FAM227A: variants seen among roughly 807,000 people sequenced by gnomAD.
FAM227A encodes family with sequence similarity 227 member A.
In FAM227A, 80 loss-of-function variants were observed where a neutral mutation model predicts 74.7. The ratio of observed to expected loss-of-function variants is 1.07; its 90% CI spans 0.89 to 1.29. The LOEUF (loss-of-function observed/expected upper bound fraction) is 1.29, where lower values mean the gene tolerates loss of function less well. Ranked by LOEUF, FAM227A falls within the 50% of genes most tolerant of loss-of-function variation. The probability of loss-of-function intolerance (pLI) is 0.00; values close to 1 mark genes in which losing one functional copy is unlikely to be tolerated. For synonymous variants in FAM227A, 237 were observed against 241.8 expected, an observed-to-expected ratio of 0.98 and a Z score of 0.19; for missense variants, 654 against 683.4, an observed-to-expected ratio of 0.96 and a Z score of 0.48.
Position 38,579,272 on chromosome 22 carries a change from GAAT to G in FAM227A, c.*6850_*6852del, listed in dbSNP as rs963667307. 2 of 152,260 alleles carry G rather than the reference GAAT, an allele frequency of 1.3e-5. No individual in the cohort carries two copies. The highest frequency in any genetic ancestry group is 6.5e-5 in the Admixed American group (1 of 15,288). 9.4% of individuals were successfully genotyped at this position (152,260 alleles called of 1,614,324 possible). On this transcript the variant is annotated 3_prime_UTR_variant, in exon 17 of 17. Transcript: ENST00000535113. ...CTGAGTTTCGGTATCTGAAAACCAA[GAAT>G]AATATCGGCGCTGAGTTGTGAGAAT... is the stretch of plus-strand genomic sequence containing the variant.
intron 10 of FAM227A, 66 bp downstream of exon 10, chr22:38,623,106 C>T: frequency 8.8e-7 from 1 of 1,138,766 alleles, no homozygotes; most frequent in Non-Finnish European, 1.3e-6. Context: ...CCTCTCCTCC[C>T]TCAGTTAGAT....
chr22:38,637,167 A>C (rs1354243967), intron 5 of FAM227A, among the ~76,000 whole-genome samples: 1 of 152,196 alleles, frequency 6.6e-6, no homozygotes, highest in African/African-American at 2.4e-5. Flanking sequence ...TCGTTCTAAG[A>C]AGTAAAATAT....
rs542071282 is a variant in FAM227A at position 38,584,825 on chromosome 22, T to C, written c.*1300A>G. The stretch of plus-strand genomic sequence containing the variant: ...AAAAATTTTTTTTTGAGACAGAGTT[T>C]CGCTCTTGTTGCCCAGGCTGGAGTG... On this transcript the variant is annotated 3_prime_UTR_variant, in exon 17 of 17. Coordinates refer to ENST00000535113, the MANE Select transcript of FAM227A (RefSeq NM_001013647.2). 2 of 152,266 alleles carry C rather than the reference T, an allele frequency of 1.3e-5. No individual in the cohort carries two copies. Among genetic ancestry groups the C allele is most frequent in the African/African-American group, 4.8e-5 (2 of 41,538 alleles). 9.4% of individuals were successfully genotyped at this position (152,266 alleles called of 1,614,324 possible). A position where few individuals can be genotyped will look rare whatever the true frequency, so the allele number is the denominator to read the frequency against.
chr22:38,599,121 G>T lies in FAM227A; in HGVS notation c.1379+643C>A, dbSNP rs5750637. On this transcript the variant is annotated intron_variant, in intron 14 of 16. Transcript: ENST00000535113. The stretch of plus-strand genomic sequence containing the variant: ...ATACAGGCACGCACCACCAGGCCCA[G>T]CTAATTTTTTTTGTATTTTTAGTAG... 7.7e-4 allele frequency among the ~76,000 whole-genome samples: 117 copies of T among 152,054 alleles called. 2 individuals carry two copies. The East Asian group carries it at 0.018, about 23-fold the overall frequency.
chr22:38,602,812 T>C (rs1897348828), intron 13 of FAM227A, among the ~76,000 whole-genome samples: 1 of 152,092 alleles, frequency 6.6e-6, no homozygotes, highest in African/African-American at 2.4e-5. Context: ...CTGACTCTGG[T>C]GTGTTTTTGA....
At chr22:38,643,499 A>C (rs754561160) in intron 3 of FAM227A, among the ~76,000 whole-genome samples, 11 of 152,190 alleles carry the variant, frequency 7.2e-5, no homozygotes, top group South Asian at 2.1e-4. Flanking sequence ...AACACTGACA[A>C]CACCAAATAC....
At position 38,620,529 on chromosome 22, in the gene FAM227A, C is replaced by A. The variant is rs1050079254; in HGVS notation, c.959-238G>T. ...GGAAATAATGTATGCACAGGGCCGG[C>A]GCGGTGGCTCACGCCTGTAATCCCA... is the stretch of plus-strand genomic sequence containing the variant. On this transcript the variant is annotated intron_variant, in intron 10 of 16. Coordinates refer to ENST00000535113, the MANE Select transcript of FAM227A (RefSeq NM_001013647.2). Among the ~76,000 whole-genome samples, 14 of 152,196 alleles carry A rather than the reference C, an allele frequency of 9.2e-5. No individual in the cohort carries two copies. The South Asian group carries it at 2.7e-3, about 29-fold the overall frequency.
chr22:38,594,756 G>C (rs1277156175), intron 15 of FAM227A, among the ~76,000 whole-genome samples: 2 of 151,838 alleles, frequency 1.3e-5, no homozygotes, highest in African/African-American at 2.4e-5. Context: ...AGGTCAAGAG[G>C]TCAAGACCAT....
chr22:38,626,147 C>T (rs1021503380), intron 9 of FAM227A, 33 bp downstream of exon 9: 141 of 1,546,606 alleles, frequency 9.1e-5, no homozygotes, highest in Non-Finnish European at 1.1e-4. Flanking sequence ...TTTCTAGAAT[C>T]GCTTTCCCCG....
In FAM227A at chr22:38,625,803, G is replaced by T. The variant is rs564863476; in HGVS notation, c.850+377C>A. 3.4e-5 allele frequency among the ~76,000 whole-genome samples: 5 copies of T among 146,210 alleles called. No homozygotes were observed. The South Asian group carries it at 1.1e-3, about 32-fold the overall frequency. On this transcript the variant is annotated intron_variant, in intron 9 of 16. Transcript: ENST00000535113. ...TACTACAAATACAAAAATTAGCCGG[G>T]CATGGTGGTACATGCCTGTAATCCC...
intron 15 of FAM227A, among the ~76,000 whole-genome samples, chr22:38,593,732 C>A (rs1243810645): frequency 6.6e-6 from 1 of 152,088 alleles, no homozygotes; most frequent in African/African-American, 2.4e-5. Context: ...ACTCTGTCAC[C>A]CAGACTGGAG....
chr22:38,603,209 T>C (rs1418361693), intron 13 of FAM227A, among the ~76,000 whole-genome samples: 1 of 152,136 alleles, frequency 6.6e-6, no homozygotes, highest in Non-Finnish European at 1.5e-5. Context: ...TGCATTACTG[T>C]GGGCTGGGAG....
intron 6 of FAM227A, among the ~76,000 whole-genome samples, chr22:38,633,287 G>A (rs1333712943): frequency 6.6e-6 from 1 of 151,926 alleles, no homozygotes; most frequent in Non-Finnish European, 1.5e-5. Context: ...ACCATTCCGG[G>A]AGTTGCACAG....
At chr22:38,639,928 C>T (rs1813825930) in intron 3 of FAM227A, among the ~76,000 whole-genome samples, 1 of 152,164 alleles carries the variant, frequency 6.6e-6, no homozygotes, top group East Asian at 1.9e-4. Context: ...CACTGTCTCA[C>T]ACTGCCCCTT....
At chr22:38,613,109 A>T (rs2091459843) in intron 11 of FAM227A, among the ~76,000 whole-genome samples, 1 of 93,144 alleles carries the variant, frequency 1.1e-5, no homozygotes, top group Non-Finnish European at 1.9e-5. Flanking sequence ...ATATAATTAT[A>T]TATATATTAT....
At chr22:38,629,548 C>T (rs539633974) in intron 6 of FAM227A, among the ~76,000 whole-genome samples, 26 of 152,370 alleles carry the variant, frequency 1.7e-4, no homozygotes, top group African/African-American at 5.5e-4. Context: ...GTACAGTTAT[C>T]CTACTGTATA....
intron 11 of FAM227A, among the ~76,000 whole-genome samples, chr22:38,608,200 C>T (rs2091332244): frequency 6.7e-6 from 1 of 150,298 alleles, no homozygotes; most frequent in African/African-American, 2.5e-5. Context: ...CGCTGGTGTG[C>T]ACCTGTAGTC....
At chr22:38,634,352 C>T (rs1450698081) in intron 6 of FAM227A, among the ~76,000 whole-genome samples, 1 of 151,466 alleles carries the variant, frequency 6.6e-6, no homozygotes, top group African/African-American at 2.4e-5. Context: ...CACATTTTAT[C>T]ATGGCTACAC....
At position 38,580,804 on chromosome 22, in the gene FAM227A, A is replaced by C. The variant is rs1289219243; in HGVS notation, c.*5321T>G. The C allele has an allele frequency of 1.3e-5, 2 of 152,110 alleles. No homozygotes were observed. The highest frequency in any genetic ancestry group is 2.4e-5 in the African/African-American group (1 of 41,410). The allele number at this position is 152,110 out of a possible 1,614,324, so 9.4% of individuals were successfully genotyped here. On this transcript the variant is annotated 3_prime_UTR_variant, in exon 17 of 17. Transcript: ENST00000535113. Reference sequence around the variant, plus strand: ...CCCTTTCCTTTTTTATCTTTGAGACAGTCTCACTCCATCACCTAGGCTGGA... The same window carrying C: ...CCCTTTCCTTTTTTATCTTTGAGACCGTCTCACTCCATCACCTAGGCTGGA...
Sources: allele counts gnomAD v4.1 joint callset (sites outside exome capture counted in the v4.1 genomes callset), GRCh38; gene constraint gnomAD v4.1.1; transcripts MANE v1.5; gene names NCBI Gene and HGNC (gene_info 2026-07-23, HGNC 2026-07-21).